The following ALG12 variants were observed in gnomAD, a reference collection of about 807,000 sequenced individuals.
ALG12 encodes ALG12 alpha-1,6-mannosyltransferase.
In ALG12, 36 loss-of-function variants were observed where a neutral mutation model predicts 46.0. That is an observed-to-expected ratio of 0.78 (90% CI 0.60 to 1.03). The LOEUF (loss-of-function observed/expected upper bound fraction) is 1.03, where lower values mean the gene tolerates loss of function less well. Among genes scored for constraint, ALG12 ranks in the 50% least tolerant of loss-of-function variants. ALG12 has a pLI of 0.00. For synonymous variants in ALG12, 326 were observed against 291.6 expected (o/e 1.12, Z -1.20); for missense variants, 599 against 633.5 (o/e 0.95, Z 0.58).
the ALG12 span, chr22:49,884,881 C>T: frequency 6.2e-7 from 1 of 1,605,490 alleles, no homozygotes; most frequent in South Asian, 1.1e-5. Flanking sequence ...TGGAGATGGG[C>T]TGATGGAAGA....
At chr22:49,898,377 T>C (rs1291753033), downstream of ALG12, among the ~76,000 whole-genome samples, 4 of 151,920 alleles carry the variant, frequency 2.6e-5, no homozygotes, top group Non-Finnish European at 4.4e-5. Context: ...TGTCTTCTTA[T>C]TCTCTTGAGT....
At chr22:49,874,547 G>C in the ALG12 span, among the ~76,000 whole-genome samples, 18 of 150,694 alleles carry the variant, frequency 1.2e-4, no homozygotes, top group Non-Finnish European at 2.1e-4. Context: ...CACCATTTTT[G>C]TATTTTTAGT....
chr22:49,868,039 G>T, the ALG12 span, among the ~76,000 whole-genome samples: 1 of 152,200 alleles, frequency 6.6e-6, no homozygotes, highest in African/African-American at 2.4e-5. Flanking sequence ...AATGCCAGTG[G>T]CTTTCACACC....
At chr22:49,914,811 C>A (rs2060600732) in intron 1 of ALG12, among the ~76,000 whole-genome samples, 1 of 152,246 alleles carries the variant, frequency 6.6e-6, no homozygotes, top group Non-Finnish European at 1.5e-5. Flanking sequence ...TCATGGCTCA[C>A]TGCAGCCTCA....
At chr22:49,910,297 C>T (rs1489564106) in intron 4 of ALG12, 137 bp downstream of exon 4, 2 of 1,314,452 alleles carry the variant, frequency 1.5e-6, no homozygotes, top group Non-Finnish European at 2.1e-6. Flanking sequence ...AGCCTGGTTT[C>T]AGGTCACAGA....
chr22:49,917,367 T>C (rs752310399), intron 1 of ALG12, among the ~76,000 whole-genome samples: 1 of 152,230 alleles, frequency 6.6e-6, no homozygotes, highest in Non-Finnish European at 1.5e-5. Flanking sequence ...TTTTAAGGCC[T>C]CTACCGAAAT....
In ALG12 at chr22:49,909,216, G is replaced by A. The variant is rs767984720; in HGVS notation, c.768+28C>T. ...GATGTGGCTGCAGGTCCCACCCATC[G>A]CCCTCCTGCACGGACACTGAAGGAT... On this transcript the variant is annotated intron_variant, in intron 6 of 9. Coordinates refer to ENST00000330817, the MANE Select transcript of ALG12 (RefSeq NM_024105.4). 9.3e-6 allele frequency: 15 copies of A among 1,604,364 alleles called. No homozygotes were observed. In the Admixed American group the frequency reaches 1.2e-4, roughly 12 times the overall value.
At chr22:49,886,099 A>G in the ALG12 span, 1 of 681,190 alleles carries the variant, frequency 1.5e-6, no homozygotes. This position sits in a 1 kb window ranked among gnomAD's most constrained non-coding sequence, Gnocchi z 7.7. Context: ...CAACGCCAGC[A>G]TCGGGAAGAC....
chr22:49,907,815 C>T lies in ALG12; in HGVS notation c.898G>A (p.Ala300Thr). 6.2e-7 allele frequency: 1 copy of T among 1,614,100 alleles called. No individual in the cohort carries two copies. The highest frequency in any genetic ancestry group is 8.5e-7 in the Non-Finnish European group (1 of 1,180,028). ...APTVLALGFM[A>T]LYSLLPHKEL... The stretch of plus-strand genomic sequence containing the variant: ...TTGTGTGGCAGGAGGGAGTAGAGTG[C>T]CATGAAGCCCAGTGCCAGCACCGTC... Residue 300 changes from alanine to threonine, a missense_variant, in exon 7 of 10, where the codon GCA (alanine) becomes ACA (threonine). Ala to Thr is a moderately conservative substitution (Grantham distance 58). Coordinates refer to ENST00000330817, the MANE Select transcript of ALG12 (RefSeq NM_024105.4).
chr22:49,880,153 G>A, the ALG12 span, among the ~76,000 whole-genome samples: 7 of 152,048 alleles, frequency 4.6e-5, no homozygotes, highest in East Asian at 1.9e-4. Flanking sequence ...GTGTTCGGGT[G>A]GCTCCTAACA....
chr22:49,878,267 A>C, the ALG12 span, among the ~76,000 whole-genome samples: 5 of 139,750 alleles, frequency 3.6e-5, no homozygotes, highest in Admixed American at 2.5e-4. Flanking sequence ...GCACCACTGC[A>C]CTCCAACCTG....
chr22:49,917,754 A>G (rs1019420089), intron 1 of ALG12, among the ~76,000 whole-genome samples: 2 of 148,094 alleles, frequency 1.4e-5, no homozygotes, highest in African/African-American at 5.1e-5. Flanking sequence ...TTCCTTCCAC[A>G]GGCAGGAGTT....
chr22:49,889,276 A>G, the ALG12 span: 2 of 167,110 alleles, frequency 1.2e-5, no homozygotes, highest in Non-Finnish European at 2.9e-5. Context: ...TTTTCTTGGA[A>G]TACAGTCACA....
the ALG12 span, among the ~76,000 whole-genome samples, chr22:49,878,301 C>CAAAAA: frequency 1.8e-4 from 19 of 107,064 alleles, no homozygotes; most frequent in Admixed American, 5.1e-4. Flanking sequence ...GACACTGTCT[C>CAAAAA]AAAAAAAAAA....
At chr22:49,877,497 G>A in the ALG12 span, among the ~76,000 whole-genome samples, 7 of 151,900 alleles carry the variant, frequency 4.6e-5, no homozygotes, top group African/African-American at 1.7e-4. Context: ...TCACCATGTT[G>A]GCCAGGCTGG....
the ALG12 span, among the ~76,000 whole-genome samples, chr22:49,861,952 G>A: frequency 1.3e-5 from 2 of 152,106 alleles, no homozygotes; most frequent in Non-Finnish European, 2.9e-5. Context: ...AAGTTCCCCC[G>A]CACAGGCCTG....
intron 3 of ALG12, among the ~76,000 whole-genome samples, chr22:49,911,635 T>C (rs866312011): frequency 1.3e-5 from 2 of 152,158 alleles, no homozygotes; most frequent in East Asian, 1.9e-4. Context: ...AGGTTTCCCA[T>C]GTTGGCCAGG....
In ALG12 at chr22:49,906,581, C is replaced by T. The variant is rs957936338; in HGVS notation, c.992+1140G>A. ...TCCCCTCCCCTGTAACAAGTGGCAC[C>T]GGAAAGCACCTGACCGCTGCCTGAG... On this transcript the variant is annotated intron_variant, in intron 7 of 9. Coordinates refer to ENST00000330817, the MANE Select transcript of ALG12 (RefSeq NM_024105.4). The surrounding 1 kb of genome is among the most constrained non-coding windows in gnomAD (Gnocchi z 4.4). Among the ~76,000 whole-genome samples, 2 of 152,164 alleles carry T rather than the reference C, an allele frequency of 1.3e-5. No homozygotes were observed. Among genetic ancestry groups the T allele is most frequent in the African/African-American group, 2.4e-5 (1 of 41,438 alleles).
the ALG12 span, among the ~76,000 whole-genome samples, chr22:49,861,208 G>A: frequency 1.5e-4 from 23 of 151,922 alleles, no homozygotes; most frequent in African/African-American, 5.6e-4. Flanking sequence ...TTTCTTGTTT[G>A]TTTGTTATGA....
Sources: gnomAD v4.1 joint callset for allele counts (sites outside exome capture counted in the v4.1 genomes callset) on GRCh38, gnomAD v4.1.1 for gene constraint, Gnocchi (gnomAD v3.1) non-coding constraint, MANE v1.5 for transcripts, NCBI Gene and HGNC (gene_info 2026-07-23, HGNC 2026-07-21) for gene names.